Variants in NDUFC2 observed in about 807,000 individuals in gnomAD.
NDUFC2 encodes NADH dehydrogenase [ubiquinone] 1 subunit C2.
In NDUFC2, 2 loss-of-function variants were observed where a neutral mutation model predicts 10.1. The observed-to-expected ratio is 0.20, with a 90% CI of 0.08 to 0.62. The LOEUF (loss-of-function observed/expected upper bound fraction) is 0.62. Ranked by LOEUF, NDUFC2 falls within the 20% of genes least tolerant of loss-of-function variation. The pLI is 0.87. For synonymous variants in NDUFC2, 61 were observed against 63.6 expected, an observed-to-expected ratio of 0.96 and a Z score of 0.20; for missense variants, 156 against 159.6, an observed-to-expected ratio of 0.98 and a Z score of 0.12.
intron 1 of NDUFC2, among the ~76,000 whole-genome samples, chr11:78,078,794 C>T (rs1466191033): frequency 7.7e-6 from 1 of 130,462 alleles, no homozygotes; most frequent in Non-Finnish European, 1.6e-5. Flanking sequence ...GGTGCAATCT[C>T]GGCTTACTGC....
In NDUFC2 at chr11:78,073,693, T is replaced by C. The variant is rs1301272159; in HGVS notation, c.167-552A>G. ...GGTGGGCACCTGTAATCCCAACTAC[T>C]TGGGTGGCTGAGGCAGGAGAATTGT... On this transcript the variant is annotated intron_variant, in intron 1 of 2. Transcript: ENST00000281031. Among the ~76,000 whole-genome samples the C allele has an allele frequency of 2.7e-5, 4 of 149,464 alleles. No individual in the cohort carries two copies. In the East Asian group the frequency reaches 7.9e-4, roughly 30 times the overall value.
At chr11:78,079,545 T>C (rs529380979) in intron 1 of NDUFC2, 34 bp downstream of exon 1, 2 of 1,544,644 alleles carry the variant, frequency 1.3e-6, no homozygotes, top group Non-Finnish European at 1.7e-6. Context: ...CGACCCCTTC[T>C]CCTCCCAGCC....
At chr11:78,079,182 T>C (rs1268906300) in intron 1 of NDUFC2, among the ~76,000 whole-genome samples, 1 of 151,114 alleles carries the variant, frequency 6.6e-6, no homozygotes, top group African/African-American at 2.4e-5. Context: ...TGTTAATCTG[T>C]TAGGCTCGGT....
Position 78,069,555 on chromosome 11 carries a change from A to G in NDUFC2, c.*432T>C, listed in dbSNP as rs534145522. On this transcript the variant is annotated 3_prime_UTR_variant, in exon 3 of 3. Coordinates refer to ENST00000281031, the MANE Select transcript of NDUFC2 (RefSeq NM_004549.6). The stretch of plus-strand genomic sequence containing the variant: ...CTCTAAATTCACTTTGCACTAGGAC[A>G]GGGGCAGGCAAACCTTTTCTGAAAG... The G allele has an allele frequency of 6.2e-6, 2 of 322,422 alleles. No homozygotes were observed. The highest frequency in any genetic ancestry group is 1.3e-4 in the East Asian group (2 of 15,772). 20.0% of individuals were successfully genotyped at this position (322,422 alleles called of 1,614,324 possible).
intron 2 of NDUFC2, 170 bp downstream of exon 2, chr11:78,072,828 G>A (rs1335651092): frequency 2.5e-5 from 24 of 941,672 alleles, no homozygotes; most frequent in South Asian, 5.5e-5. Flanking sequence ...CAAAGGACAC[G>A]GAGGTAGTCA....
chr11:78,076,730 T>G (rs972011698), intron 1 of NDUFC2, among the ~76,000 whole-genome samples: 1 of 152,162 alleles, frequency 6.6e-6, no homozygotes, highest in Non-Finnish European at 1.5e-5. Context: ...CATATGCTCT[T>G]AACTGCTATA....
In NDUFC2 at chr11:78,075,946, T is replaced by C. The variant is rs80205720; in HGVS notation, c.167-2805A>G. Among the ~76,000 whole-genome samples, 528 of 152,256 alleles carry C rather than the reference T, an allele frequency of 3.5e-3. 2 individuals carry two copies. The highest frequency in any genetic ancestry group is 0.012 in the African/African-American group (510 of 41,534). On this transcript the variant is annotated intron_variant, in intron 1 of 2. Coordinates refer to ENST00000281031, the MANE Select transcript of NDUFC2 (RefSeq NM_004549.6). Reference sequence around the variant, plus strand: ...TCGCCAGGGCTGTAGTTTGAAAATCTACCATATCTCTTCCACCACTCCTCC... The same window carrying C: ...TCGCCAGGGCTGTAGTTTGAAAATCCACCATATCTCTTCCACCACTCCTCC...
intron 1 of NDUFC2, among the ~76,000 whole-genome samples, chr11:78,079,203 T>C (rs1337066560): frequency 6.6e-6 from 1 of 151,888 alleles, no homozygotes; most frequent in African/African-American, 2.4e-5. Context: ...TTCCTCGTTG[T>C]GAATAATACA....
At position 78,069,850 on chromosome 11, in the gene NDUFC2, A is replaced by G; in HGVS notation, c.*137T>C. ...TTTTCTTACAACAATAAAGAGTCAGAGTACTCATGGTACGTATTTTAATTA... is the reference window on the plus strand; with the variant it reads ...TTTTCTTACAACAATAAAGAGTCAGGGTACTCATGGTACGTATTTTAATTA... On this transcript the variant is annotated 3_prime_UTR_variant, in exon 3 of 3. Coordinates refer to ENST00000281031, the MANE Select transcript of NDUFC2 (RefSeq NM_004549.6). 1 of 1,569,466 alleles carries G rather than the reference A, an allele frequency of 6.4e-7. No individual in the cohort carries two copies. Among genetic ancestry groups the G allele is most frequent in the Non-Finnish European group, 8.7e-7 (1 of 1,148,242 alleles).
At chr11:78,074,991 T>C (rs1205854338) in intron 1 of NDUFC2, among the ~76,000 whole-genome samples, 1 of 152,196 alleles carries the variant, frequency 6.6e-6, no homozygotes, top group African/African-American at 2.4e-5. Context: ...CCCATTTTCC[T>C]AACCTCTCTC....
rs139783477 is a variant in NDUFC2, at chr11:78,079,679, C to A, written c.66G>T (p.Pro22=). Residue 22 remains proline (P), a synonymous_variant, in exon 1 of 3, where the codon CCG becomes CCT. Coordinates refer to ENST00000281031, the MANE Select transcript of NDUFC2 (RefSeq NM_004549.6). ...GGAGCCGCGGGTCGGTCAGCTTGGG[C>A]GGGGGCAGGCTCCGGGCCTCATCCG... The part of the protein sequence containing the change: ...FLPDEARSLP[P]PKLTDPRLLY... 5 of 1,609,002 alleles carry A rather than the reference C, an allele frequency of 3.1e-6. No individual in the cohort carries two copies. The highest frequency in any genetic ancestry group is 1.3e-5 in the African/African-American group (1 of 74,774).
In NDUFC2 at chr11:78,079,784, G is replaced by T; in HGVS notation, c.-40C>A. The T allele has an allele frequency of 6.4e-7, 1 of 1,567,682 alleles. No homozygotes were observed. The highest frequency in any genetic ancestry group is 8.6e-7 in the Non-Finnish European group (1 of 1,162,248). ...CACTTGAGGCCTGGTCTCAGACCACGAACTACAAGGAAAACCACGACGACC... is the reference window on the plus strand; with the variant it reads ...CACTTGAGGCCTGGTCTCAGACCACTAACTACAAGGAAAACCACGACGACC... On this transcript the variant is annotated 5_prime_UTR_variant, in exon 1 of 3. Coordinates refer to ENST00000281031, the MANE Select transcript of NDUFC2 (RefSeq NM_004549.6).
intron 1 of NDUFC2, 64 bp downstream of exon 1, chr11:78,079,515 C>T (rs1400287855): frequency 2.0e-6 from 3 of 1,516,962 alleles, no homozygotes; most frequent in Non-Finnish European, 2.6e-6. Context: ...GGCCTACGGC[C>T]GGGCCAGTCT....
At chr11:78,073,202 A>G in intron 1 of NDUFC2, 61 bp from the exon 2 acceptor site, 2 of 1,606,790 alleles carry the variant, frequency 1.2e-6, no homozygotes, top group Non-Finnish European at 1.7e-6. Context: ...ATTAAGAGTT[A>G]CATTTTTGGC....
intron 1 of NDUFC2, 138 bp downstream of exon 1, chr11:78,079,441 C>T: frequency 7.8e-7 from 1 of 1,278,900 alleles, no homozygotes; most frequent in Non-Finnish European, 1.0e-6. Context: ...GGCGCGGACT[C>T]CCCGGAAAGG....
intron 1 of NDUFC2, among the ~76,000 whole-genome samples, chr11:78,077,449 A>G (rs1240045210): frequency 6.6e-6 from 1 of 152,152 alleles, no homozygotes; most frequent in Non-Finnish European, 1.5e-5. Flanking sequence ...AAATATGCAA[A>G]AATTAATTAT....
intron 1 of NDUFC2, among the ~76,000 whole-genome samples, chr11:78,077,424 CT>C (rs2136841044): frequency 6.6e-6 from 1 of 152,340 alleles, no homozygotes; most frequent in Admixed American, 6.5e-5. Flanking sequence ...CAGAATCTCA[CT>C]CAATTCTCAC....
intron 2 of NDUFC2, among the ~76,000 whole-genome samples, chr11:78,071,416 C>T (rs1859005121): frequency 6.6e-6 from 1 of 152,046 alleles, no homozygotes; most frequent in Admixed American, 6.6e-5. Flanking sequence ...GCCACCTCAC[C>T]CAGCTAATTT....
chr11:78,070,112 C>T (rs1316566885), intron 2 of NDUFC2, 76 bp from the exon 3 acceptor site: 2 of 1,040,414 alleles, frequency 1.9e-6, no homozygotes, highest in East Asian at 2.6e-5. Context: ...CGAAAATTAA[C>T]ACTCACTAAT....
Sources: gnomAD v4.1 joint callset for allele counts (sites outside exome capture counted in the v4.1 genomes callset) on GRCh38, gnomAD v4.1.1 for gene constraint, MANE v1.5 for transcripts, NCBI Gene and HGNC (gene_info 2026-07-23, HGNC 2026-07-21) for gene names.